Variants in CEP85L observed in about 807,000 individuals in gnomAD.
CEP85L encodes centrosomal protein of 85 kDa-like.
CEP85L carries 60 observed loss-of-function variants against 100.3 expected under a neutral mutation model. That is an observed-to-expected ratio of 0.60 (90% CI 0.49 to 0.74). The LOEUF (loss-of-function observed/expected upper bound fraction) is 0.74. Ranked by LOEUF, CEP85L falls within the 30% of genes least tolerant of loss-of-function variation. The pLI, the probability that CEP85L is intolerant of heterozygous loss-of-function variation, is 0.00. For synonymous variants in CEP85L, 319 were observed against 322.7 expected (o/e 0.99, Z 0.12); for missense variants, 973 against 936.2 (o/e 1.04, Z -0.51).
At chr6:118,483,138 A>G (rs1321146473) in intron 7 of CEP85L, among the ~76,000 whole-genome samples, 1 of 152,124 alleles carries the variant, frequency 6.6e-6, no homozygotes, top group Non-Finnish European at 1.5e-5. Context: ...CAACTTTGGG[A>G]AGAGACTGAA....
At chr6:118,632,812 C>T (rs1774249878) in intron 1 of CEP85L, among the ~76,000 whole-genome samples, 1 of 152,204 alleles carries the variant, frequency 6.6e-6, no homozygotes, top group Non-Finnish European at 1.5e-5. Flanking sequence ...TACATAGCTT[C>T]CTCTAGCTGA....
chr6:118,640,050 C>T (rs1774761527), intron 1 of CEP85L, among the ~76,000 whole-genome samples: 1 of 151,926 alleles, frequency 6.6e-6, no homozygotes, highest in African/African-American at 2.4e-5. Flanking sequence ...GGCCAACATT[C>T]CTAACATGGG....
intron 1 of CEP85L, among the ~76,000 whole-genome samples, chr6:118,640,494 T>G (rs1774792355): frequency 6.6e-6 from 1 of 152,122 alleles, no homozygotes; most frequent in Non-Finnish European, 1.5e-5. Context: ...ATTATAGGGT[T>G]GTTGTGATCA....
At chr6:118,636,409 T>C (rs1211156598) in intron 1 of CEP85L, among the ~76,000 whole-genome samples, 1 of 145,312 alleles carries the variant, frequency 6.9e-6, no homozygotes, top group African/African-American at 2.9e-5. Context: ...ACAAGTGTTT[T>C]AGGTTTCTTT....
upstream of CEP85L, among the ~76,000 whole-genome samples, chr6:118,654,695 A>C (rs1279223536): frequency 3.9e-5 from 6 of 152,270 alleles, no homozygotes; most frequent in African/African-American, 9.6e-5. Flanking sequence ...GAATTCAAAT[A>C]GGTGAATGGA....
intron 1 of CEP85L, among the ~76,000 whole-genome samples, chr6:118,682,759 A>G (rs1225335370): frequency 8.6e-6 from 1 of 116,580 alleles, no homozygotes; most frequent in Non-Finnish European, 1.8e-5. Flanking sequence ...ATATGCATGC[A>G]TGCCTGAGCA....
intron 2 of CEP85L, chr6:118,589,681 A>G: frequency 3.5e-6 from 1 of 282,352 alleles, no homozygotes; most frequent in Non-Finnish European, 7.0e-6. Flanking sequence ...GAGAAGCAGA[A>G]ACTGGTGACC....
chr6:118,525,061 C>A (rs1340376683), intron 3 of CEP85L, among the ~76,000 whole-genome samples: 4 of 152,144 alleles, frequency 2.6e-5, no homozygotes, highest in Non-Finnish European at 5.9e-5. Flanking sequence ...TTTCCAATCA[C>A]CCTTCAAGGT....
At chr6:118,563,920 G>A (rs1779359075) in intron 3 of CEP85L, among the ~76,000 whole-genome samples, 1 of 152,138 alleles carries the variant, frequency 6.6e-6, no homozygotes, top group South Asian at 2.1e-4. Flanking sequence ...AACTTAGTTT[G>A]TCTAGTTTTC....
At chr6:118,650,707 G>C (rs535295632) in intron 1 of CEP85L, among the ~76,000 whole-genome samples, 2 of 152,182 alleles carry the variant, frequency 1.3e-5, no homozygotes, top group Admixed American at 6.5e-5. Flanking sequence ...GGCTGCGGGC[G>C]TGGGCACAGC....
At chr6:118,481,758 G>A in intron 8 of CEP85L, 21 bp downstream of exon 8, 1 of 1,430,456 alleles carries the variant, frequency 7.0e-7, no homozygotes, top group South Asian at 1.4e-5. Flanking sequence ...TAATGTAGAA[G>A]GATTCAGAAA....
chr6:118,698,437 A>G (rs1222241619), intron 1 of CEP85L, among the ~76,000 whole-genome samples: 3 of 152,206 alleles, frequency 2.0e-5, no homozygotes, highest in Admixed American at 6.5e-5. Flanking sequence ...CTTATGGCAC[A>G]GAGAATGGAG....
At chr6:118,623,834 G>A (rs1266409714) in intron 2 of CEP85L, among the ~76,000 whole-genome samples, 3 of 152,204 alleles carry the variant, frequency 2.0e-5, no homozygotes, top group African/African-American at 4.8e-5. Context: ...GGGTATGACA[G>A]GAGAAAAGGG....
chr6:118,593,904 A>G (rs1344846254), intron 2 of CEP85L, among the ~76,000 whole-genome samples: 2 of 152,024 alleles, frequency 1.3e-5, no homozygotes, highest in African/African-American at 4.8e-5. Flanking sequence ...CTACTCTCTC[A>G]GCCTAGACTA....
rs148794871 is a variant in CEP85L at position 118,566,198 on chromosome 6, T to C, written c.351A>G (p.Ser117=). 51 of 1,614,062 alleles carry C rather than the reference T, an allele frequency of 3.2e-5. No homozygotes were observed. The highest frequency in any genetic ancestry group is 4.2e-5 in the Non-Finnish European group (50 of 1,180,034). ...TCCATTTTGAGCCATCTGGTGTCAA[T>C]GATTCCCTAAGTTTGGAAATTGAAG... ...SSASISKLRE[S]LTPDGSKWST... The change falls in exon 3 of 13, where the codon TCA becomes TCG. Residue 117 remains serine (S), a synonymous_variant. Transcript: ENST00000368491.
chr6:118,563,890 A>G (rs1412615810), intron 3 of CEP85L, among the ~76,000 whole-genome samples: 1 of 152,206 alleles, frequency 6.6e-6, no homozygotes, highest in East Asian at 1.9e-4. Flanking sequence ...TTAGAAGGGA[A>G]GCAGTCATTT....
chr6:118,640,763 C>T (rs1313759530), intron 1 of CEP85L, among the ~76,000 whole-genome samples: 1 of 152,116 alleles, frequency 6.6e-6, no homozygotes, highest in Non-Finnish European at 1.5e-5. Flanking sequence ...CTCCTGACCT[C>T]AAGTGATCCG....
Position 118,461,745 on chromosome 6 carries a change from G to A in CEP85L, c.*3660C>T, listed in dbSNP as rs1357828183. The A allele has an allele frequency of 1.3e-5, 2 of 152,006 alleles. No individual in the cohort carries two copies. Among genetic ancestry groups the A allele is most frequent in the South Asian group, 2.1e-4 (1 of 4,824 alleles). 9.4% of individuals were successfully genotyped at this position (152,006 alleles called of 1,614,324 possible). On this transcript the variant is annotated 3_prime_UTR_variant, in exon 13 of 13. Transcript: ENST00000368491. Reference sequence around the variant, plus strand: ...TTATACCAAATAGGAAATTGTTCCTGTTGTTTTGTGAACATGAATTGTCAA... The same window carrying A: ...TTATACCAAATAGGAAATTGTTCCTATTGTTTTGTGAACATGAATTGTCAA...
intron 1 of CEP85L, among the ~76,000 whole-genome samples, chr6:118,636,535 A>T (rs1202523870): frequency 6.6e-6 from 1 of 152,232 alleles, no homozygotes; most frequent in Non-Finnish European, 1.5e-5. Flanking sequence ...GTGCCCAGAT[A>T]TGCAGTCAAA....
Sources: gnomAD v4.1 joint callset for allele counts (sites outside exome capture counted in the v4.1 genomes callset) on GRCh38, gnomAD v4.1.1 for gene constraint, MANE v1.5 for transcripts, NCBI Gene and HGNC (gene_info 2026-07-23, HGNC 2026-07-21) for gene names.